The following FLI1 variants were observed in gnomAD, a reference collection of about 807,000 sequenced individuals.
FLI1 encodes Fli-1 proto-oncogene, ETS transcription factor.
FLI1 carries 13 observed loss-of-function variants against 53.1 expected under a neutral mutation model. The ratio of observed to expected loss-of-function variants is 0.24; its 90% CI spans 0.16 to 0.39. The LOEUF is 0.39. Ranked by LOEUF, FLI1 falls within the 10% of genes least tolerant of loss-of-function variation. The pLI, the probability that FLI1 is intolerant of heterozygous loss-of-function variation, is 1.00. For missense variants in FLI1, 424 were observed against 600.5 expected, an observed-to-expected ratio of 0.71 and a Z score of 3.07; for synonymous variants, 244 against 236.7, an observed-to-expected ratio of 1.03 and a Z score of -0.28.
chr11:128,766,653 T>C lies in FLI1; in HGVS notation c.231-1465T>C, dbSNP rs563122732. ...CAGGAAGCCCTGGGCTGATCTCCCT[T>C]CTCCTGGGTTAGTGACTGCCGTCCC... On this transcript the variant is annotated intron_variant, in intron 2 of 8. Coordinates refer to ENST00000527786, the MANE Select transcript of FLI1 (RefSeq NM_002017.5). Among the ~76,000 whole-genome samples the C allele has an allele frequency of 2.2e-4, 33 of 151,832 alleles. No homozygotes were observed. In the South Asian group the frequency reaches 6.7e-3, roughly 31 times the overall value.
intron 1 of FLI1, among the ~76,000 whole-genome samples, chr11:128,757,903 C>G (rs528519265): frequency 3.3e-5 from 5 of 152,230 alleles, no homozygotes; most frequent in Admixed American, 3.3e-4. Flanking sequence ...CCCCACTCCA[C>G]TGCCCAAAGT....
chr11:128,754,591 A>C (rs182858528), intron 1 of FLI1, among the ~76,000 whole-genome samples: 2 of 152,350 alleles, frequency 1.3e-5, no homozygotes, highest in Admixed American at 1.3e-4. Flanking sequence ...AGGTGGGACA[A>C]AGATGACCTT....
chr11:128,721,847 TCCAA>T (rs1183897045), intron 1 of FLI1, among the ~76,000 whole-genome samples: 1 of 152,200 alleles, frequency 6.6e-6, no homozygotes, highest in Admixed American at 6.5e-5. Context: ...TGGGTGACTT[TCCAA>T]ACTCTGAATC....
intron 1 of FLI1, among the ~76,000 whole-genome samples, chr11:128,742,709 A>G (rs1354799722): frequency 6.6e-6 from 1 of 152,250 alleles, no homozygotes; most frequent in Non-Finnish European, 1.5e-5. Flanking sequence ...TCTCCCCTGG[A>G]CCAAATCAGA....
At chr11:128,736,461 T>C (rs1939922624) in intron 1 of FLI1, among the ~76,000 whole-genome samples, 1 of 152,244 alleles carries the variant, frequency 6.6e-6, no homozygotes, top group South Asian at 2.1e-4. Context: ...GGTAGCTTGA[T>C]ATCCTGAGTT....
At chr11:128,698,703 T>C (rs1302045039) in intron 1 of FLI1, among the ~76,000 whole-genome samples, 1 of 124,298 alleles carries the variant, frequency 8.0e-6, no homozygotes, top group Non-Finnish European at 1.7e-5. Flanking sequence ...AGTGTGTGTA[T>C]GTGTTTGCGT....
intron 1 of FLI1, among the ~76,000 whole-genome samples, chr11:128,726,238 C>T (rs1939469977): frequency 6.6e-6 from 1 of 152,066 alleles, no homozygotes; most frequent in South Asian, 2.1e-4. Context: ...CACCCATGCT[C>T]CCCTGTGTAG....
chr11:128,746,246 A>T (rs190188312), intron 1 of FLI1, among the ~76,000 whole-genome samples: 90 of 152,300 alleles, frequency 5.9e-4, no homozygotes, highest in Middle Eastern at 3.4e-3. Context: ...GATGAAAACC[A>T]GGAATCAGAC....
intron 2 of FLI1, chr11:128,764,559 A>T: frequency 8.5e-7 from 1 of 1,176,978 alleles, no homozygotes; most frequent in East Asian, 2.7e-5. Flanking sequence ...TGCAGGTCTT[A>T]ATACAAATTA....
At chr11:128,757,405 C>T (rs1565484570) in intron 1 of FLI1, among the ~76,000 whole-genome samples, 1 of 152,094 alleles carries the variant, frequency 6.6e-6, no homozygotes, top group East Asian at 1.9e-4. Context: ...CTGGCTGAGT[C>T]ATCAACATTG....
At chr11:128,703,402 TCCA>T (rs1565456881) in intron 1 of FLI1, among the ~76,000 whole-genome samples, 1 of 152,164 alleles carries the variant, frequency 6.6e-6, no homozygotes, top group East Asian at 1.9e-4. Context: ...AATCTAAATG[TCCA>T]CCAGTAGGGG....
chr11:128,789,629 C>A (rs912443232), intron 5 of FLI1, among the ~76,000 whole-genome samples: 18 of 152,182 alleles, frequency 1.2e-4, no homozygotes, highest in African/African-American at 4.3e-4. Flanking sequence ...TATGCACTGC[C>A]TGTGTCAGGC....
intron 1 of FLI1, among the ~76,000 whole-genome samples, chr11:128,757,048 CTTTCTT>C (rs1565484231): frequency 6.1e-5 from 3 of 49,182 alleles, no homozygotes; most frequent in African/African-American, 2.7e-4. Flanking sequence ...CTAATTTTTT[CTTTCTT>C]TCTTTCTTTC....
chr11:128,698,759 C>A (rs986135267), intron 1 of FLI1, among the ~76,000 whole-genome samples: 2 of 146,166 alleles, frequency 1.4e-5, no homozygotes, highest in African/African-American at 2.5e-5. Context: ...AGAGAGAAGT[C>A]TTTAAAAGAA....
At chr11:128,699,708 T>G (rs1339844488) in intron 1 of FLI1, among the ~76,000 whole-genome samples, 3 of 152,246 alleles carry the variant, frequency 2.0e-5, no homozygotes, top group East Asian at 3.8e-4. Flanking sequence ...ACTGACCTGA[T>G]AGACCCACCA....
intron 1 of FLI1, among the ~76,000 whole-genome samples, chr11:128,725,715 G>A (rs1301344273): frequency 6.6e-6 from 1 of 151,666 alleles, no homozygotes; most frequent in African/African-American, 2.4e-5. Flanking sequence ...CTCAGGGCTG[G>A]TGGTTTCAAA....
rs11297254 is a variant in FLI1, at chr11:128,694,517, GC to G, written c.18+247del. On this transcript the variant is annotated intron_variant, in intron 1 of 8. Transcript: ENST00000527786. ...TCCCAGCCCCCAAAGTGGAGCCCCG[GC>G]CCCCCTCCCACCTCGCTGCCCGCCG... is the stretch of plus-strand genomic sequence containing the variant. 1 allele frequency among the ~76,000 whole-genome samples: 152,178 copies of G among 152,182 alleles called. 76,087 individuals carry two copies. Among genetic ancestry groups the G allele is most frequent in the Middle Eastern group, 1 (294 of 294 alleles).
upstream of FLI1, among the ~76,000 whole-genome samples, chr11:128,690,526 T>C (rs906609503): frequency 6.6e-5 from 10 of 152,120 alleles, no homozygotes; most frequent in Admixed American, 1.3e-4. Flanking sequence ...AGGGCTGACA[T>C]TGAGCGAGCC....
rs891458859 is a variant in FLI1 at position 128,812,676 on chromosome 11, A to G, written c.*1688A>G. On this transcript the variant is annotated 3_prime_UTR_variant, in exon 9 of 9. Coordinates refer to ENST00000527786, the MANE Select transcript of FLI1 (RefSeq NM_002017.5). ...AAGGCCATGGATAAACCTGTATGTAAGGACTGGAGCAAAGCGAGCTGGTCT... is the reference window on the plus strand; with the variant it reads ...AAGGCCATGGATAAACCTGTATGTAGGGACTGGAGCAAAGCGAGCTGGTCT... 4.5e-6 allele frequency: 1 copy of G among 221,926 alleles called. No homozygotes were observed. The highest frequency in any genetic ancestry group is 9.0e-6 in the Non-Finnish European group (1 of 110,740). 13.7% of individuals were successfully genotyped at this position (221,926 alleles called of 1,614,324 possible).
Sources: gnomAD v4.1 joint callset for allele counts (sites outside exome capture counted in the v4.1 genomes callset) on GRCh38, gnomAD v4.1.1 for gene constraint, MANE v1.5 for transcripts, NCBI Gene and HGNC (gene_info 2026-07-23, HGNC 2026-07-21) for gene names.